Variants in PCDH15 observed in about 807,000 individuals in gnomAD.
PCDH15 encodes the protein protocadherin-15.
In PCDH15, 129 loss-of-function variants were observed where a neutral mutation model predicts 178.5. The ratio of observed to expected loss-of-function variants is 0.72; its 90% CI spans 0.63 to 0.84. The LOEUF is 0.84. Among genes scored for constraint, PCDH15 ranks in the 40% least tolerant of loss-of-function variants. The pLI, the probability that PCDH15 is intolerant of heterozygous loss-of-function variation, is 0.00. For synonymous variants in PCDH15, 800 were observed against 732.0 expected (o/e 1.09, Z -1.50); for missense variants, 2,230 against 2,099.9 (o/e 1.06, Z -1.21).
chr10:55,359,265 T>C (rs781748562), intron 2 of PCDH15, among the ~76,000 whole-genome samples: 7 of 152,014 alleles, frequency 4.6e-5, no homozygotes, highest in Middle Eastern at 3.2e-3. Context: ...CCCTTGTGAA[T>C]AGTCAATATA....
At chr10:55,091,760 G>A (rs1357884743) in intron 2 of PCDH15, among the ~76,000 whole-genome samples, 1 of 151,838 alleles carries the variant, frequency 6.6e-6, no homozygotes, top group East Asian at 1.9e-4. Flanking sequence ...AACACAAAAT[G>A]TAATTCTTAA....
chr10:55,245,560 A>G (rs898507406), intron 1 of PCDH15, among the ~76,000 whole-genome samples: 2 of 152,156 alleles, frequency 1.3e-5, no homozygotes, highest in African/African-American at 4.8e-5. Context: ...AGAAATTGCT[A>G]TTCCTAGTAT....
At chr10:55,406,021 A>G (rs1394200737) in intron 2 of PCDH15, among the ~76,000 whole-genome samples, 1 of 151,400 alleles carries the variant, frequency 6.6e-6, no homozygotes, top group East Asian at 1.9e-4. Context: ...GGAAGTGATG[A>G]TAGATTTTTA....
At chr10:54,588,707 C>T (rs1191101092) in intron 2 of PCDH15, among the ~76,000 whole-genome samples, 1 of 152,102 alleles carries the variant, frequency 6.6e-6, no homozygotes, top group African/African-American at 2.4e-5. Context: ...TCCCAAGCAG[C>T]TGTGACTACA....
chr10:55,463,662 A>C (rs1839727138), intron 2 of PCDH15, among the ~76,000 whole-genome samples: 1 of 151,898 alleles, frequency 6.6e-6, no homozygotes, highest in Non-Finnish European at 1.5e-5. Context: ...TGTTGGAGAA[A>C]GCCATGCTAC....
At chr10:54,314,538 AAG>A (rs1157479033) in intron 8 of PCDH15, among the ~76,000 whole-genome samples, 2 of 152,072 alleles carry the variant, frequency 1.3e-5, no homozygotes, top group Non-Finnish European at 2.9e-5. Context: ...TTTTTAAAAA[AAG>A]AGTTATATTT....
intron 15 of PCDH15, 136 bp downstream of exon 15, chr10:54,132,739 T>A: frequency 7.0e-7 from 1 of 1,431,662 alleles, no homozygotes; most frequent in Non-Finnish European, 9.5e-7. Context: ...CCTTTCCAGA[T>A]GGAATTTTCA....
intron 2 of PCDH15, among the ~76,000 whole-genome samples, chr10:55,080,776 C>G (rs902813226): frequency 6.6e-6 from 1 of 152,108 alleles, no homozygotes; most frequent in Admixed American, 6.6e-5. Context: ...TATGCAGAAG[C>G]AAGGAAGGGA....
chr10:54,796,088 T>C (rs1951925252), intron 1 of PCDH15, among the ~76,000 whole-genome samples: 1 of 151,828 alleles, frequency 6.6e-6, no homozygotes, highest in Non-Finnish European at 1.5e-5. Flanking sequence ...CTGTATTCTT[T>C]TCTTTACCAT....
Position 55,253,249 on chromosome 10 carries a change from CGTGT to C in PCDH15, c.-156+66346_-156+66349del, listed in dbSNP as rs59957458. On this transcript the variant is annotated intron_variant, in intron 1 of 5. Coordinates refer to the PCDH15 transcript ENST00000458638. ...ATGTGCGTGTGTGTGTGTGTGTGTG[CGTGT>C]GTGTGTGTGTGTGTGTGCATGCAAG... Among the ~76,000 whole-genome samples, 1,112 of 149,014 alleles carry C rather than the reference CGTGT, an allele frequency of 7.5e-3. 11 individuals are homozygous for C. The highest frequency in any genetic ancestry group is 0.026 in the African/African-American group (1,046 of 40,386).
At chr10:54,282,806 G>A (rs1022905652) in intron 8 of PCDH15, among the ~76,000 whole-genome samples, 2 of 152,012 alleles carry the variant, frequency 1.3e-5, no homozygotes, top group Non-Finnish European at 2.9e-5. Context: ...GTGAATAAAA[G>A]TATTGCTAGG....
intron 2 of PCDH15, among the ~76,000 whole-genome samples, chr10:54,924,732 C>T (rs1199991510): frequency 6.6e-6 from 1 of 152,106 alleles, no homozygotes; most frequent in East Asian, 1.9e-4. Flanking sequence ...TTGTTGGCTG[C>T]ATATGTGTCT....
chr10:55,263,175 G>A (rs961566364), intron 1 of PCDH15, among the ~76,000 whole-genome samples: 7 of 151,630 alleles, frequency 4.6e-5, no homozygotes, highest in African/African-American at 1.7e-4. Flanking sequence ...TTTTCCTGCA[G>A]GTAAGAGGCT....
At chr10:55,042,262 T>C (rs1250311727) in intron 2 of PCDH15, among the ~76,000 whole-genome samples, 1 of 152,112 alleles carries the variant, frequency 6.6e-6, no homozygotes, top group Non-Finnish European at 1.5e-5. Flanking sequence ...CAAATTATAT[T>C]GCAAATATAA....
At chr10:54,609,819 A>T (rs2092902474) in intron 2 of PCDH15, among the ~76,000 whole-genome samples, 1 of 151,932 alleles carries the variant, frequency 6.6e-6, no homozygotes, top group African/African-American at 2.4e-5. Flanking sequence ...AAATGATTCT[A>T]TTTTTTTCCC....
intron 2 of PCDH15, among the ~76,000 whole-genome samples, chr10:54,968,245 A>G (rs148677349): frequency 1.9e-3 from 283 of 152,246 alleles, no homozygotes; most frequent in Middle Eastern, 6.8e-3. Flanking sequence ...TATTATATCA[A>G]TTAGTAAGAG....
At chr10:53,950,026 A>G (rs2134169160) in intron 23 of PCDH15, among the ~76,000 whole-genome samples, 1 of 152,248 alleles carries the variant, frequency 6.6e-6, no homozygotes, top group African/African-American at 2.4e-5. Context: ...TCAACCTGTC[A>G]TTTATTACAA....
chr10:55,179,649 A>G (rs1343219840), intron 1 of PCDH15, among the ~76,000 whole-genome samples: 5 of 152,018 alleles, frequency 3.3e-5, no homozygotes, highest in African/African-American at 9.7e-5. Context: ...CTGTCGCTCA[A>G]TACAATTCTA....
intron 3 of PCDH15, among the ~76,000 whole-genome samples, chr10:54,450,075 C>A (rs1487411748): frequency 6.7e-6 from 1 of 149,892 alleles, no homozygotes; most frequent in South Asian, 2.1e-4. Context: ...TCGGGAAAAC[C>A]ATTTCCACAT....
Sources: allele counts gnomAD v4.1 joint callset (sites outside exome capture counted in the v4.1 genomes callset), GRCh38; gene constraint gnomAD v4.1.1; transcripts MANE v1.5; gene names NCBI Gene and HGNC (gene_info 2026-07-23, HGNC 2026-07-21).